The following DNAAF4 variants were observed in gnomAD, a reference collection of about 807,000 sequenced individuals.
The protein encoded by DNAAF4 is dynein axonemal assembly factor 4.
A neutral mutation model predicts 51.8 loss-of-function variants in DNAAF4; 43 were observed. The ratio of observed to expected loss-of-function variants is 0.83; its 90% CI spans 0.65 to 1.07. The LOEUF (loss-of-function observed/expected upper bound fraction) is 1.07. DNAAF4 is among the 50% of genes least tolerant of loss of function. The pLI is 0.00. For synonymous variants in DNAAF4, 194 were observed against 165.6 expected (o/e 1.17, Z -1.32); for missense variants, 581 against 493.0 (o/e 1.18, Z -1.69).
chr15:55,445,003 T>C (rs1176371935), intron 6 of DNAAF4, among the ~76,000 whole-genome samples: 1 of 151,926 alleles, frequency 6.6e-6, no homozygotes, highest in Non-Finnish European at 1.5e-5. Flanking sequence ...CAGGGACAAT[T>C]TGACTTCCTC....
Position 55,500,365 on chromosome 15 carries a change from T to TA in DNAAF4, c.-255-1782_-255-1781insT, listed in dbSNP as rs200336983. Among the ~76,000 whole-genome samples the TA allele has an allele frequency of 6.4e-3, 974 of 151,430 alleles. 17 individuals carry two copies. Among genetic ancestry groups the TA allele is most frequent in the African/African-American group, 0.023 (938 of 40,724 alleles). On this transcript the variant is annotated intron_variant, in intron 1 of 9. Coordinates refer to ENST00000321149, the MANE Select transcript of DNAAF4 (RefSeq NM_130810.4). ...AAACCCACGAATCCCATGGACTTTT[T>TA]TAAAAAAATTTCTTTTGTCATTTTC...
At chr15:55,481,781 T>C (rs1259009518) in intron 4 of DNAAF4, among the ~76,000 whole-genome samples, 1 of 152,180 alleles carries the variant, frequency 6.6e-6, no homozygotes, top group Non-Finnish European at 1.5e-5. Context: ...GCAGCTGGCT[T>C]ATTGGAATTG....
chr15:55,466,232 G>A (rs1175151615), intron 5 of DNAAF4, among the ~76,000 whole-genome samples: 1 of 152,104 alleles, frequency 6.6e-6, no homozygotes, highest in Non-Finnish European at 1.5e-5. Flanking sequence ...AGACCAGCCT[G>A]GGCAACATGG....
intron 5 of DNAAF4, among the ~76,000 whole-genome samples, chr15:55,455,387 A>AATATATATATATATATATATATAT (rs10688653): frequency 2.4e-5 from 3 of 127,378 alleles, no homozygotes; most frequent in African/African-American, 6.2e-5. Context: ...TAGCAAATTG[A>AATATATATATATATATATATATAT]ATATATATAT....
chr15:55,442,755 A>T, intron 6 of DNAAF4: 1 of 1,588,540 alleles, frequency 6.3e-7, no homozygotes, highest in Non-Finnish European at 8.6e-7. Context: ...CAACTTTATC[A>T]AGTTGGCTAT....
At chr15:55,448,118 G>T (rs2057867803) in intron 6 of DNAAF4, among the ~76,000 whole-genome samples, 1 of 152,158 alleles carries the variant, frequency 6.6e-6, no homozygotes, top group East Asian at 1.9e-4. Context: ...TTTTTAGCAT[G>T]AAGTGCTGTT....
chr15:55,446,274 G>A (rs1477919494), intron 6 of DNAAF4, among the ~76,000 whole-genome samples: 1 of 130,276 alleles, frequency 7.7e-6, no homozygotes, highest in African/African-American at 3.2e-5. Context: ...CGGCCGGGCA[G>A]AGGCGCTCCT....
downstream of DNAAF4, among the ~76,000 whole-genome samples, chr15:55,429,445 G>C (rs2057464753): frequency 6.6e-6 from 1 of 150,784 alleles, no homozygotes; most frequent in Non-Finnish European, 1.5e-5. Context: ...TTAAACCTGG[G>C]AGGTGGAGGA....
rs371735324 is a variant in DNAAF4 at position 55,495,949 on chromosome 15, G to C, written c.271+1763C>G. 2.6e-5 allele frequency among the ~76,000 whole-genome samples: 4 copies of C among 152,232 alleles called. No individual in the cohort carries two copies. The South Asian group carries it at 8.3e-4, about 32-fold the overall frequency. ...GCTTTAAAACTGGGGATGTCAGGCCGGTCGCGGTGGCTCATGGCTGTAATC... is the reference window on the plus strand; with the variant it reads ...GCTTTAAAACTGGGGATGTCAGGCCCGTCGCGGTGGCTCATGGCTGTAATC... On this transcript the variant is annotated intron_variant, in intron 3 of 9. Coordinates refer to ENST00000321149, the MANE Select transcript of DNAAF4 (RefSeq NM_130810.4).
chr15:55,485,320 A>AT lies in DNAAF4; in HGVS notation c.405+5802dup, dbSNP rs2058472290. 1.1e-4 allele frequency among the ~76,000 whole-genome samples: 16 copies of AT among 152,354 alleles called. 1 individual carries two copies. The highest frequency in any genetic ancestry group is 7.2e-4 in the Admixed American group (11 of 15,306). On this transcript the variant is annotated intron_variant, in intron 4 of 9. Transcript: ENST00000321149. ...TTTAAATGCCAGAATCATGAAAGTT[A>AT]TTATCATAAAATAGAATAAAATGGC...
chr15:55,474,742 G>C (rs1414753833), intron 4 of DNAAF4, among the ~76,000 whole-genome samples: 2 of 152,060 alleles, frequency 1.3e-5, no homozygotes, highest in African/African-American at 2.4e-5. Flanking sequence ...ACTTTGGGAG[G>C]TTGAGGTGGG....
chr15:55,427,532 G>A (rs1218106036), downstream of DNAAF4, among the ~76,000 whole-genome samples: 1 of 152,168 alleles, frequency 6.6e-6, no homozygotes, highest in Admixed American at 6.5e-5. Flanking sequence ...ATTGATCTGG[G>A]TGGTGCCAGC....
downstream of DNAAF4, among the ~76,000 whole-genome samples, chr15:55,428,828 C>T (rs968674721): frequency 2.0e-5 from 3 of 151,884 alleles, no homozygotes; most frequent in African/African-American, 7.2e-5. Context: ...TTTGCAAAGG[C>T]CATTTTATTC....
At chr15:55,471,574 C>A (rs530129414) in intron 4 of DNAAF4, among the ~76,000 whole-genome samples, 1 of 151,604 alleles carries the variant, frequency 6.6e-6, no homozygotes, top group East Asian at 1.9e-4. Context: ...AGTGCAGCGG[C>A]ACGATCTCGG....
At chr15:55,487,417 T>A (rs1484602380) in intron 4 of DNAAF4, among the ~76,000 whole-genome samples, 1 of 152,058 alleles carries the variant, frequency 6.6e-6, no homozygotes, top group African/African-American at 2.4e-5. Flanking sequence ...CTCTGTAAAA[T>A]GGACCAATCC....
chr15:55,436,085 G>C (rs1204315702), intron 7 of DNAAF4, among the ~76,000 whole-genome samples: 1 of 152,128 alleles, frequency 6.6e-6, no homozygotes, highest in Non-Finnish European at 1.5e-5. Context: ...ATTGCGCCCG[G>C]CCCTATTTTT....
At chr15:55,459,321 C>T (rs1291291050) in intron 5 of DNAAF4, among the ~76,000 whole-genome samples, 2 of 152,032 alleles carry the variant, frequency 1.3e-5, no homozygotes, top group Non-Finnish European at 2.9e-5. Flanking sequence ...TTGTCACTAC[C>T]ATGCCAGCAC....
chr15:55,477,295 C>T (rs1466773056), intron 4 of DNAAF4, among the ~76,000 whole-genome samples: 1 of 152,048 alleles, frequency 6.6e-6, no homozygotes, highest in Non-Finnish European at 1.5e-5. Flanking sequence ...TATTTTACCA[C>T]AATTAGAAAA....
intron 5 of DNAAF4, among the ~76,000 whole-genome samples, chr15:55,463,794 A>T (rs981720222): frequency 6.6e-6 from 1 of 152,216 alleles, no homozygotes; most frequent in East Asian, 1.9e-4. Context: ...AACACTGCTG[A>T]AAGAAATCAT....
Sources: gnomAD v4.1 joint callset for allele counts (sites outside exome capture counted in the v4.1 genomes callset) on GRCh38, gnomAD v4.1.1 for gene constraint, MANE v1.5 for transcripts, NCBI Gene and HGNC (gene_info 2026-07-23, HGNC 2026-07-21) for gene names.